The following ADGRL4 variants were observed in gnomAD, a reference collection of about 807,000 sequenced individuals.
ADGRL4 encodes EGF, latrophilin and seven transmembrane domain containing 1.
In ADGRL4, 90 loss-of-function variants were observed where a neutral mutation model predicts 74.8. That is an observed-to-expected ratio of 1.20 (90% CI 1.02 to 1.43). ADGRL4 has a LOEUF of 1.43. ADGRL4 is among the 40% of genes most tolerant of loss of function. ADGRL4 has a pLI of 0.00. For synonymous variants in ADGRL4, 311 were observed against 279.2 expected (o/e 1.11, Z -1.14); for missense variants, 881 against 814.3 (o/e 1.08, Z -1.00).
intron 12 of ADGRL4, among the ~76,000 whole-genome samples, chr1:78,906,021 A>T (rs970522336): frequency 3.3e-5 from 5 of 151,996 alleles, no homozygotes; most frequent in Non-Finnish European, 5.9e-5. Context: ...GGGAAAAATA[A>T]TAAAGTTACA....
chr1:78,989,985 A>C (rs1342200663), intron 2 of ADGRL4, among the ~76,000 whole-genome samples: 1 of 151,864 alleles, frequency 6.6e-6, no homozygotes, highest in Non-Finnish European at 1.5e-5. Context: ...CCTGACTCTC[A>C]CAATAAGCTG....
intron 2 of ADGRL4, among the ~76,000 whole-genome samples, chr1:78,954,373 GA>G (rs1649789004): frequency 3.3e-5 from 5 of 151,804 alleles, no homozygotes; most frequent in East Asian, 1.9e-4. Flanking sequence ...AAAAAACAGG[GA>G]AAAAAGATAA....
chr1:78,977,051 A>G (rs1650300107), intron 2 of ADGRL4, among the ~76,000 whole-genome samples: 1 of 151,754 alleles, frequency 6.6e-6, no homozygotes, highest in Non-Finnish European at 1.5e-5. Context: ...CCAACTATAC[A>G]TACAAAGCAC....
intron 2 of ADGRL4, among the ~76,000 whole-genome samples, chr1:78,961,630 G>A (rs994120926): frequency 6.6e-6 from 1 of 152,112 alleles, no homozygotes; most frequent in Non-Finnish European, 1.5e-5. Context: ...TCTGCCAGGT[G>A]TCAGACAATA....
At chr1:78,940,437 G>T (rs1649452238) in intron 3 of ADGRL4, among the ~76,000 whole-genome samples, 1 of 152,104 alleles carries the variant, frequency 6.6e-6, no homozygotes, top group Non-Finnish European at 1.5e-5. Context: ...TATTGAGGCT[G>T]TAATAAAGGT....
intron 2 of ADGRL4, among the ~76,000 whole-genome samples, chr1:78,979,039 A>G (rs1423662584): frequency 6.6e-6 from 1 of 151,924 alleles, no homozygotes; most frequent in Non-Finnish European, 1.5e-5. Context: ...TGTCTACATT[A>G]AACCAGGAAA....
chr1:78,909,557 G>C (rs1648715447), intron 12 of ADGRL4, among the ~76,000 whole-genome samples: 1 of 151,800 alleles, frequency 6.6e-6, no homozygotes, highest in Non-Finnish European at 1.5e-5. Flanking sequence ...TGTCAGCTCT[G>C]CCATTATTGT....
Position 78,918,051 on chromosome 1 carries a change from C to T in ADGRL4, c.1462-1G>A. On this transcript the variant is annotated splice_acceptor_variant, in intron 10 of 14. Transcript: ENST00000370742. LOFTEE classifies it high-confidence loss of function. ...GTCCGGCAATGATTGAACAGAAGAGCTAGAAATCAAAGAAAAAAAAAAAAA... is the reference window on the plus strand; with the variant it reads ...GTCCGGCAATGATTGAACAGAAGAGTTAGAAATCAAAGAAAAAAAAAAAAA... 6.4e-7 allele frequency: 1 copy of T among 1,559,586 alleles called. No individual in the cohort carries two copies. The highest frequency in any genetic ancestry group is 8.7e-7 in the Non-Finnish European group (1 of 1,153,022).
At chr1:78,915,154 T>C (rs529126618) in intron 12 of ADGRL4, among the ~76,000 whole-genome samples, 1 of 152,024 alleles carries the variant, frequency 6.6e-6, no homozygotes, top group Non-Finnish European at 1.5e-5. Context: ...AGTTTCACCC[T>C]ATCATTTTAT....
chr1:78,958,177 C>A (rs573803233), intron 2 of ADGRL4, among the ~76,000 whole-genome samples: 10 of 152,240 alleles, frequency 6.6e-5, no homozygotes, highest in Non-Finnish European at 1.2e-4. Flanking sequence ...CATCCAAGAG[C>A]TCTGATGGAG....
chr1:78,908,823 T>C (rs917805690), intron 12 of ADGRL4, among the ~76,000 whole-genome samples: 2 of 152,008 alleles, frequency 1.3e-5, no homozygotes, highest in African/African-American at 2.4e-5. Flanking sequence ...ATTTCTAATT[T>C]CTATGAGTTT....
intron 2 of ADGRL4, among the ~76,000 whole-genome samples, chr1:78,966,101 A>T (rs546825505): frequency 6.6e-5 from 10 of 152,254 alleles, no homozygotes; most frequent in Admixed American, 3.3e-4. Context: ...AGTCATAAAT[A>T]TAAAGTTTGA....
Position 78,923,800 on chromosome 1 carries a change from G to A in ADGRL4, c.1084-2014C>T, listed in dbSNP as rs933904940. Among the ~76,000 whole-genome samples the A allele has an allele frequency of 3.3e-5, 5 of 151,480 alleles. No individual in the cohort carries two copies. In the East Asian group the frequency reaches 5.8e-4, roughly 18 times the overall value. Reference sequence around the variant, plus strand: ...AATATTAGGAGAAAAATTAAAAATAGGAATGAAAAAGTTTAAAAACTCCAA... The same window carrying A: ...AATATTAGGAGAAAAATTAAAAATAAGAATGAAAAAGTTTAAAAACTCCAA... On this transcript the variant is annotated intron_variant, in intron 8 of 14. Coordinates refer to ENST00000370742, the MANE Select transcript of ADGRL4 (RefSeq NM_022159.4).
At chr1:78,893,994 T>C (rs1648343174) in intron 12 of ADGRL4, among the ~76,000 whole-genome samples, 1 of 151,840 alleles carries the variant, frequency 6.6e-6, no homozygotes, top group Non-Finnish European at 1.5e-5. Flanking sequence ...TAGTCTAATA[T>C]GAGCATGCCA....
intron 2 of ADGRL4, among the ~76,000 whole-genome samples, chr1:79,003,759 T>A (rs1650890409): frequency 6.6e-6 from 1 of 152,054 alleles, no homozygotes; most frequent in African/African-American, 2.4e-5. Flanking sequence ...TATGGTACAA[T>A]TTGTAATGAT....
intron 2 of ADGRL4, among the ~76,000 whole-genome samples, chr1:78,951,322 T>C (rs1649717844): frequency 6.6e-6 from 1 of 152,130 alleles, no homozygotes; most frequent in Non-Finnish European, 1.5e-5. Flanking sequence ...GGGTAGGATG[T>C]GAAGGTAGAG....
chr1:78,947,872 T>A (rs1242321420), intron 2 of ADGRL4, among the ~76,000 whole-genome samples: 4 of 152,142 alleles, frequency 2.6e-5, no homozygotes, highest in Non-Finnish European at 4.4e-5. Context: ...CAGGCTTAAT[T>A]TCTTTTTAAA....
At position 78,917,676 on chromosome 1, in the gene ADGRL4, G is replaced by T; in HGVS notation, c.1707C>A (p.Asn569Lys). The change falls in exon 12 of 15, where the codon AAC becomes AAA. Residue 569 changes from asparagine (N) to lysine (K), a missense_variant. Asn to Lys is a moderately conservative substitution (Grantham distance 94). Transcript: ENST00000370742. ...TKVCWLSTENNFIWSFIGPAC... is the reference protein window; with the variant it reads ...TKVCWLSTENKFIWSFIGPAC... ...CTGGTCCTATAAAACTCCAAATAAAGTTGTTTTCGGTGCTAAGCCAACATC... is the reference window on the plus strand; with the variant it reads ...CTGGTCCTATAAAACTCCAAATAAATTTGTTTTCGGTGCTAAGCCAACATC... 6.2e-7 allele frequency: 1 copy of T among 1,607,186 alleles called. No homozygotes were observed. Among genetic ancestry groups the T allele is most frequent in the Non-Finnish European group, 8.5e-7 (1 of 1,176,576 alleles).
intron 2 of ADGRL4, among the ~76,000 whole-genome samples, chr1:78,952,957 C>T (rs1297157792): frequency 2.0e-5 from 3 of 152,056 alleles, no homozygotes; most frequent in African/African-American, 4.8e-5. Context: ...TTTCTGTTTA[C>T]ACTTACTTAT....
Sources: allele counts gnomAD v4.1 joint callset (sites outside exome capture counted in the v4.1 genomes callset), GRCh38; gene constraint gnomAD v4.1.1; transcripts MANE v1.5; gene names NCBI Gene and HGNC (gene_info 2026-07-23, HGNC 2026-07-21).